The following SPAG16 variants were observed in gnomAD, a reference collection of about 807,000 sequenced individuals.
SPAG16 encodes the protein sperm-associated antigen 16 protein.
A neutral mutation model predicts 80.4 loss-of-function variants in SPAG16; 86 were observed. The observed-to-expected ratio is 1.07, with a 90% CI of 0.90 to 1.28. The LOEUF is 1.28. Among genes scored for constraint, SPAG16 ranks in the 50% most tolerant of loss-of-function variants. SPAG16 has a pLI of 0.00. For synonymous variants in SPAG16, 294 were observed against 265.9 expected (o/e 1.11, Z -1.03); for missense variants, 870 against 765.3 (o/e 1.14, Z -1.61).
chr2:213,722,211 C>A (rs115073964), intron 10 of SPAG16, among the ~76,000 whole-genome samples: 1 of 152,042 alleles, frequency 6.6e-6, no homozygotes, highest in African/African-American at 2.4e-5. Flanking sequence ...ATGAAAGAGA[C>A]GTTAACTCAA....
chr2:213,369,354 A>G (rs1018081157), intron 8 of SPAG16, among the ~76,000 whole-genome samples: 2 of 152,214 alleles, frequency 1.3e-5, no homozygotes, highest in African/African-American at 2.4e-5. Flanking sequence ...TCAGAAGAAA[A>G]GTGACTGATT....
At chr2:213,502,740 T>C (rs1477643805) in intron 10 of SPAG16, among the ~76,000 whole-genome samples, 1 of 152,252 alleles carries the variant, frequency 6.6e-6, no homozygotes, top group African/African-American at 2.4e-5. Context: ...GTACTATTAT[T>C]CATCCATTTT....
chr2:214,062,721 G>A (rs536453233), intron 13 of SPAG16, among the ~76,000 whole-genome samples: 4 of 137,364 alleles, frequency 2.9e-5, no homozygotes, highest in African/African-American at 1.1e-4. Flanking sequence ...ATCTCGACAT[G>A]GTAAAACAGA....
intron 10 of SPAG16, among the ~76,000 whole-genome samples, chr2:213,535,718 G>A (rs1044411833): frequency 2.6e-5 from 4 of 152,070 alleles, no homozygotes; most frequent in African/African-American, 4.8e-5. Context: ...ATGAGTATAC[G>A]AATTTAAAAG....
At chr2:214,081,658 C>T (rs924524673) in intron 13 of SPAG16, among the ~76,000 whole-genome samples, 3 of 152,176 alleles carry the variant, frequency 2.0e-5, no homozygotes, top group Admixed American at 6.5e-5. Context: ...GACTTGTAGT[C>T]TCCACTACTG....
intron 10 of SPAG16, among the ~76,000 whole-genome samples, chr2:213,560,089 G>A (rs1156258897): frequency 1.3e-5 from 2 of 151,816 alleles, no homozygotes; most frequent in Non-Finnish European, 2.9e-5. Context: ...ATTCACTCAG[G>A]AAATGCAAAT....
At chr2:214,023,528 T>C (rs2047989172) in intron 13 of SPAG16, among the ~76,000 whole-genome samples, 1 of 151,858 alleles carries the variant, frequency 6.6e-6, no homozygotes, top group Non-Finnish European at 1.5e-5. Flanking sequence ...TTTTAAGTTA[T>C]TACAGACTAT....
chr2:213,313,258 GT>G (rs2063272200), intron 4 of SPAG16, among the ~76,000 whole-genome samples: 1 of 151,742 alleles, frequency 6.6e-6, no homozygotes, highest in South Asian at 2.1e-4. Context: ...AGCCATTTAG[GT>G]GAGTATTTAA....
chr2:213,683,807 A>G (rs1198384976), intron 10 of SPAG16, among the ~76,000 whole-genome samples: 2 of 152,200 alleles, frequency 1.3e-5, no homozygotes, highest in Non-Finnish European at 2.9e-5. Context: ...TGGAAAAACT[A>G]GGCCAGTGTA....
intron 15 of SPAG16, among the ~76,000 whole-genome samples, chr2:214,328,827 A>T (rs1696684441): frequency 6.6e-6 from 1 of 152,184 alleles, no homozygotes. Context: ...ATGTGATAAT[A>T]ATAATAAAAG....
chr2:214,269,046 A>G (rs1326343347), intron 15 of SPAG16, among the ~76,000 whole-genome samples: 1 of 152,034 alleles, frequency 6.6e-6, no homozygotes, highest in East Asian at 1.9e-4. Flanking sequence ...TGTCTTTTCA[A>G]TATCTTCTGG....
chr2:214,140,931 G>C (rs2055317548), intron 14 of SPAG16, among the ~76,000 whole-genome samples: 1 of 9,536 alleles, frequency 1.0e-4, no homozygotes, highest in African/African-American at 3.1e-4. Context: ...ATATCCCATT[G>C]GTGGGGGGGG....
chr2:213,762,975 G>T lies in SPAG16; in HGVS notation c.1071-99510G>T, dbSNP rs147900372. On this transcript the variant is annotated intron_variant, in intron 10 of 15. Transcript: ENST00000331683. ...ATAACCTTATTTAAAAATGGGCAAA[G>T]AACTTGACTAGACATTTCTCCAAAG... is the stretch of plus-strand genomic sequence containing the variant. 2.1e-3 allele frequency among the ~76,000 whole-genome samples: 326 copies of T among 152,190 alleles called. 3 individuals are homozygous for T. The highest frequency in any genetic ancestry group is 7.4e-3 in the African/African-American group (306 of 41,550).
At chr2:213,902,498 C>T (rs1222629306) in intron 11 of SPAG16, among the ~76,000 whole-genome samples, 1 of 152,166 alleles carries the variant, frequency 6.6e-6, no homozygotes, top group Non-Finnish European at 1.5e-5. Flanking sequence ...CATCAGATCT[C>T]ATGAGACTTA....
Position 214,014,073 on chromosome 2 carries a change from G to A in SPAG16, c.1523G>A (p.Arg508Lys), listed in dbSNP as rs563061390. ...AAGACCCTGTCTATATGGGATGCAA[G>A]AACAGTAAGCAAATCATTCACTTTT... ...ADKTLSIWDA[R>K]TGICEQSLYG... The change falls in exon 13 of 16, where the codon AGA becomes AAA. Residue 508 changes from arginine to lysine, a missense_variant. Arg to Lys is a conservative substitution (Grantham distance 26). Transcript: ENST00000331683. The A allele has an allele frequency of 2.2e-5, 36 of 1,612,066 alleles. No individual in the cohort carries two copies. The East Asian group carries it at 7.6e-4, about 34-fold the overall frequency.
At chr2:213,831,985 T>C (rs895798285) in intron 10 of SPAG16, among the ~76,000 whole-genome samples, 2 of 152,006 alleles carry the variant, frequency 1.3e-5, no homozygotes, top group Non-Finnish European at 2.9e-5. Context: ...TTTTTGCTTT[T>C]AATTCTCTTT....
chr2:213,805,612 C>A (rs2071719190), intron 10 of SPAG16, among the ~76,000 whole-genome samples: 1 of 152,052 alleles, frequency 6.6e-6, no homozygotes, highest in South Asian at 2.1e-4. Context: ...GCTGGATAAC[C>A]ACTTATAATA....
At chr2:213,786,867 A>G (rs933525805) in intron 10 of SPAG16, among the ~76,000 whole-genome samples, 8 of 152,170 alleles carry the variant, frequency 5.3e-5, no homozygotes, top group Admixed American at 3.9e-4. Flanking sequence ...CAATAAATTT[A>G]TTGAGGAATT....
chr2:213,686,689 T>C (rs2064693132), intron 10 of SPAG16, among the ~76,000 whole-genome samples: 1 of 132,632 alleles, frequency 7.5e-6, no homozygotes, highest in Non-Finnish European at 1.6e-5. Flanking sequence ...TTTTTTTTTT[T>C]TTTTTTTTTT....
Sources: gnomAD v4.1 joint callset for allele counts (sites outside exome capture counted in the v4.1 genomes callset) on GRCh38, gnomAD v4.1.1 for gene constraint, MANE v1.5 for transcripts, NCBI Gene and HGNC (gene_info 2026-07-23, HGNC 2026-07-21) for gene names.